KIAA1217: variants seen among roughly 807,000 people sequenced by gnomAD.
KIAA1217 encodes the protein sickle tail protein homolog.
A neutral mutation model predicts 163.9 loss-of-function variants in KIAA1217; 88 were observed. The observed-to-expected ratio is 0.54, with a 90% confidence interval of 0.45 to 0.64. The LOEUF is 0.64. KIAA1217 is among the 30% of genes least tolerant of loss of function. KIAA1217 has a pLI of 0.00. For synonymous variants in KIAA1217, 903 were observed against 923.1 expected, an observed-to-expected ratio of 0.98 and a Z score of 0.39; for missense variants, 2,372 against 2,475.0, an observed-to-expected ratio of 0.96 and a Z score of 0.88.
chr10:24,318,384 A>G (rs932138005), intron 2 of KIAA1217, among the ~76,000 whole-genome samples: 1 of 152,170 alleles, frequency 6.6e-6, no homozygotes, highest in African/African-American at 2.4e-5. Context: ...AAACAGACTG[A>G]AACAGGCTGA....
At chr10:24,438,086 T>C (rs1444175554) in intron 4 of KIAA1217, among the ~76,000 whole-genome samples, 3 of 152,036 alleles carry the variant, frequency 2.0e-5, no homozygotes, top group Non-Finnish European at 2.9e-5. Flanking sequence ...TTAGTTTCCA[T>C]ACTCGGAATC....
At chr10:23,827,057 A>G (rs1837930483) in intron 1 of KIAA1217, among the ~76,000 whole-genome samples, 1 of 152,208 alleles carries the variant, frequency 6.6e-6, no homozygotes, top group Non-Finnish European at 1.5e-5. Context: ...ATCAGCACAC[A>G]AATTCAGGAA....
intron 3 of KIAA1217, among the ~76,000 whole-genome samples, chr10:24,415,327 C>T (rs1280836974): frequency 6.6e-6 from 1 of 151,900 alleles, no homozygotes; most frequent in Non-Finnish European, 1.5e-5. Flanking sequence ...GTTGGCCAGG[C>T]TGGTCTCGAA....
At chr10:24,298,156 A>G (rs1192238492) in intron 2 of KIAA1217, among the ~76,000 whole-genome samples, 3 of 152,184 alleles carry the variant, frequency 2.0e-5, no homozygotes, top group African/African-American at 7.2e-5. Flanking sequence ...GAACTTTACT[A>G]TACAGTAATG....
At chr10:23,968,381 T>A (rs912967915) in intron 1 of KIAA1217, among the ~76,000 whole-genome samples, 31 of 152,350 alleles carry the variant, frequency 2.0e-4, no homozygotes, top group Admixed American at 1.9e-3. Context: ...CTCATTTCTT[T>A]TTCTTTCTTG....
chr10:24,439,650 C>CTT lies in KIAA1217; in HGVS notation c.846+1184_846+1185dup, dbSNP rs60419075. 7.1e-3 allele frequency among the ~76,000 whole-genome samples: 1,015 copies of CTT among 143,036 alleles called. 18 individuals are homozygous for CTT. The highest frequency in any genetic ancestry group is 0.024 in the African/African-American group (929 of 39,294). The allele number at this position is 143,036 out of a possible 152,430, so 93.8% of individuals were successfully genotyped here. A position where few individuals can be genotyped will look rare whatever the true frequency, so the allele number is the denominator to read the frequency against. ...CTGGAGGCCCTAGGGAGAATCTTTTCTTTTTTTTTTTTTTCCCCCAACTTC... is the reference window on the plus strand; with the variant it reads ...CTGGAGGCCCTAGGGAGAATCTTTTCTTTTTTTTTTTTTTTTCCCCCAACTTC... On this transcript the variant is annotated intron_variant, in intron 5 of 20. Coordinates refer to ENST00000376454, the MANE Select transcript of KIAA1217 (RefSeq NM_019590.5).
chr10:23,751,317 C>A (rs563096394), intron 1 of KIAA1217, among the ~76,000 whole-genome samples: 27 of 152,128 alleles, frequency 1.8e-4, no homozygotes, highest in African/African-American at 6.5e-4. Flanking sequence ...TGTGAGCCAC[C>A]GTGCCTGGCG....
intron 2 of KIAA1217, among the ~76,000 whole-genome samples, chr10:24,054,834 GGTAA>G (rs1849771600): frequency 6.6e-6 from 1 of 151,926 alleles, no homozygotes; most frequent in Non-Finnish European, 1.5e-5. Context: ...GTAACACAAC[GGTAA>G]GTATCTGTAC....
chr10:23,927,200 C>T (rs1589091826), intron 1 of KIAA1217, among the ~76,000 whole-genome samples: 1 of 152,106 alleles, frequency 6.6e-6, no homozygotes, highest in African/African-American at 2.4e-5. Context: ...AATTGCTATG[C>T]TGGGATCCCA....
chr10:24,530,844 C>T lies in KIAA1217; in HGVS notation c.3083-986C>T, dbSNP rs149778901. On this transcript the variant is annotated intron_variant, in intron 14 of 20. Coordinates refer to ENST00000376454, the MANE Select transcript of KIAA1217 (RefSeq NM_019590.5). ...CCAGGAGTTTGAGGCTGAGGTGAGC[C>T]GTGATGGCACCACTGCACTTCAGCC... is the stretch of plus-strand genomic sequence containing the variant. 1.8e-3 allele frequency among the ~76,000 whole-genome samples: 276 copies of T among 152,054 alleles called. 4 individuals carry two copies. Among genetic ancestry groups the T allele is most frequent in the Admixed American group, 0.016 (248 of 15,276 alleles).
rs113746199 is a variant in KIAA1217, at chr10:23,907,939, C to CA, written c.-320-99275dup. Among the ~76,000 whole-genome samples the CA allele has an allele frequency of 2.7e-3, 385 of 141,904 alleles. No individual in the cohort carries two copies. The Middle Eastern group carries it at 0.032, about 12-fold the overall frequency. 93.1% of individuals were successfully genotyped at this position (141,904 alleles called of 152,430 possible). On this transcript the variant is annotated intron_variant, in intron 1 of 18. Transcript: ENST00000376462. ...ATTCAAGAGTAAAGGGGAAACACAG[C>CA]AAAAAAAAAAAGATGTGAAGAAGAA...
chr10:23,719,868 C>T (rs954445431), intron 1 of KIAA1217, among the ~76,000 whole-genome samples: 3 of 151,976 alleles, frequency 2.0e-5, no homozygotes, highest in African/African-American at 7.3e-5. Context: ...GAGCCGAGAT[C>T]GCGCCACTGC....
Position 24,394,212 on chromosome 10 carries a change from C to T in KIAA1217, c.553+13145C>T, listed in dbSNP as rs543781285. ...GACATCTAACTGAGTTAACTGCATC[C>T]TATCAAGCGAAGCTCCTATTTTCAG... On this transcript the variant is annotated intron_variant, in intron 3 of 20. Coordinates refer to ENST00000376454, the MANE Select transcript of KIAA1217 (RefSeq NM_019590.5). 2.0e-5 allele frequency among the ~76,000 whole-genome samples: 3 copies of T among 152,310 alleles called. No individual in the cohort carries two copies. In the South Asian group the frequency reaches 6.2e-4, roughly 32 times the overall value.
intron 1 of KIAA1217, among the ~76,000 whole-genome samples, chr10:23,836,984 G>T (rs1322695630): frequency 6.6e-6 from 1 of 151,958 alleles, no homozygotes; most frequent in African/African-American, 2.4e-5. Context: ...TGCCCATGAA[G>T]TAATTTCTCA....
chr10:24,243,839 T>A (rs2073425977), intron 2 of KIAA1217, among the ~76,000 whole-genome samples: 3 of 152,132 alleles, frequency 2.0e-5, no homozygotes, highest in African/African-American at 4.8e-5. Context: ...TACATATAGA[T>A]CCTGTTTTAG....
chr10:24,466,529 C>A, intron 5 of KIAA1217: 1 of 985,266 alleles, frequency 1.0e-6, no homozygotes, highest in Non-Finnish European at 1.2e-6. Flanking sequence ...TACTTTTTAT[C>A]CATGCCAGTG....
At chr10:23,729,661 A>G (rs1838363846) in intron 1 of KIAA1217, among the ~76,000 whole-genome samples, 1 of 152,100 alleles carries the variant, frequency 6.6e-6, no homozygotes, top group Non-Finnish European at 1.5e-5. Context: ...TGGAGTTTTA[A>G]GAGTTTTTAT....
At chr10:24,294,442 A>C (rs2079474907) in intron 2 of KIAA1217, among the ~76,000 whole-genome samples, 1 of 152,190 alleles carries the variant, frequency 6.6e-6, no homozygotes, top group Non-Finnish European at 1.5e-5. Context: ...GGGATTGAAC[A>C]ACTGGCACCT....
chr10:24,227,950 T>A (rs1466875886), intron 2 of KIAA1217, among the ~76,000 whole-genome samples: 1 of 152,108 alleles, frequency 6.6e-6, no homozygotes. Flanking sequence ...GGTCCCCTCC[T>A]CAACCATCCC....
Sources: gnomAD v4.1 joint callset for allele counts (sites outside exome capture counted in the v4.1 genomes callset) on GRCh38, gnomAD v4.1.1 for gene constraint, MANE v1.5 for transcripts, NCBI Gene and HGNC (gene_info 2026-07-23, HGNC 2026-07-21) for gene names.